The following TMC1 variants were observed in gnomAD, a reference collection of about 807,000 sequenced individuals.
The protein encoded by TMC1 is transmembrane channel-like protein 1.
A neutral mutation model predicts 105.8 loss-of-function variants in TMC1; 84 were observed. The observed-to-expected ratio is 0.79, with a 90% CI of 0.67 to 0.95. The LOEUF (loss-of-function observed/expected upper bound fraction) is 0.95. TMC1 is among the 40% of genes least tolerant of loss of function. The pLI, the probability that TMC1 is intolerant of heterozygous loss-of-function variation, is 0.00. For missense variants in TMC1, 817 were observed against 914.1 expected, an observed-to-expected ratio of 0.89 and a Z score of 1.37; for synonymous variants, 315 against 311.5, an observed-to-expected ratio of 1.01 and a Z score of -0.12.
intron 5 of TMC1, among the ~76,000 whole-genome samples, chr9:72,650,883 G>GATATATATATAAAT (rs1288685250): frequency 0.28 from 27,361 of 97,982 alleles, 3,828 homozygotes; most frequent in East Asian, 0.39. Flanking sequence ...TATATATATA[G>GATATATATATAAAT]ATATATAGAT....
At chr9:72,707,224 G>C (rs1393974423) in intron 8 of TMC1, among the ~76,000 whole-genome samples, 2 of 152,212 alleles carry the variant, frequency 1.3e-5, no homozygotes, top group Non-Finnish European at 2.9e-5. Flanking sequence ...AAACATGCAT[G>C]TGTAAGTATC....
chr9:72,615,601 A>G (rs1785709992), intron 2 of TMC1, among the ~76,000 whole-genome samples: 2 of 152,158 alleles, frequency 1.3e-5, no homozygotes, highest in African/African-American at 4.8e-5. Flanking sequence ...TTTCGACTTC[A>G]ATGTGGTGAT....
intron 8 of TMC1, among the ~76,000 whole-genome samples, chr9:72,708,170 T>C (rs1354617847): frequency 1.3e-5 from 2 of 152,238 alleles, no homozygotes; most frequent in African/African-American, 4.8e-5. Flanking sequence ...ACCATAGCCT[T>C]ATAGTATAGT....
At chr9:72,577,671 A>G (rs1351076312) in intron 1 of TMC1, 1 of 151,984 alleles carries the variant, frequency 6.6e-6, no homozygotes, top group African/African-American at 2.4e-5. Context: ...CACCAGGAAC[A>G]ATGACTCAGT....
intron 5 of TMC1, among the ~76,000 whole-genome samples, chr9:72,660,662 C>T (rs977255976): frequency 5.3e-5 from 8 of 152,058 alleles, no homozygotes; most frequent in Non-Finnish European, 7.4e-5. Flanking sequence ...ATCTTTATGG[C>T]AATATGAATA....
chr9:72,752,112 G>A (rs1321582944), intron 11 of TMC1, among the ~76,000 whole-genome samples, 156 bp downstream of exon 11: 2 of 152,192 alleles, frequency 1.3e-5, no homozygotes, highest in East Asian at 3.9e-4. Flanking sequence ...GGTGCCCATG[G>A]GCCAAAGCTC....
chr9:72,533,532 A>G (rs1336506890), intron 1 of TMC1, among the ~76,000 whole-genome samples: 2 of 152,188 alleles, frequency 1.3e-5, no homozygotes, highest in Non-Finnish European at 2.9e-5. Context: ...CAATAAATCT[A>G]AAGGAGATGC....
intron 4 of TMC1, among the ~76,000 whole-genome samples, chr9:72,637,544 A>T (rs1466065800): frequency 6.6e-6 from 1 of 151,878 alleles, no homozygotes; most frequent in African/African-American, 2.4e-5. Flanking sequence ...TAATCATTCA[A>T]CTCTTTTAGT....
At chr9:72,578,304 G>GTGTGTA (rs1030116344) in intron 2 of TMC1, 79 of 137,886 alleles carry the variant, frequency 5.7e-4, no homozygotes, top group African/African-American at 2.0e-3. Context: ...GTGTGTGTGT[G>GTGTGTA]TATTTTCTGA....
At chr9:72,606,465 A>C (rs1052294977) in intron 2 of TMC1, among the ~76,000 whole-genome samples, 1 of 152,184 alleles carries the variant, frequency 6.6e-6, no homozygotes, top group Non-Finnish European at 1.5e-5. Context: ...TACAGGGGGA[A>C]CTGGGGTCAT....
chr9:72,799,016 A>G (rs1828423647), intron 17 of TMC1, among the ~76,000 whole-genome samples: 1 of 152,104 alleles, frequency 6.6e-6, no homozygotes, highest in Non-Finnish European at 1.5e-5. Context: ...AGAGAAAAGA[A>G]ATAATGTTTC....
rs117330708 is a variant in TMC1, at chr9:72,671,284, T to G, written c.17-17425T>G. 9.6e-3 allele frequency among the ~76,000 whole-genome samples: 1,463 copies of G among 152,340 alleles called. 10 individuals are homozygous for G. Among genetic ancestry groups the G allele is most frequent in the Non-Finnish European group, 0.015 (1,036 of 68,026 alleles). On this transcript the variant is annotated intron_variant, in intron 5 of 23. Transcript: ENST00000297784. The stretch of plus-strand genomic sequence containing the variant: ...TTTTGTCGTGAGAGACAAGGATGTT[T>G]CTTTTCTCTGGGTATAGGGAGGGCA...
intron 12 of TMC1, among the ~76,000 whole-genome samples, chr9:72,769,749 T>G (rs990834560): frequency 7.9e-5 from 12 of 152,200 alleles, no homozygotes; most frequent in African/African-American, 2.9e-4. Flanking sequence ...TGATGTTACT[T>G]GTCACAGCAA....
rs547962798 is a variant in TMC1 at position 72,723,641 on chromosome 9, T to TA, written c.363-16478_363-16477insA. On this transcript the variant is annotated intron_variant, in intron 8 of 23. Coordinates refer to ENST00000297784, the MANE Select transcript of TMC1 (RefSeq NM_138691.3). ...TCAAATAATATTTTGAAATTTTCCC[T>TA]GAAAGGATATTGAGAAAAGCCAAAT... Among the ~76,000 whole-genome samples, 189 of 152,348 alleles carry TA rather than the reference T, an allele frequency of 1.2e-3. 1 individual carries two copies. The highest frequency in any genetic ancestry group is 4.4e-3 in the African/African-American group (181 of 41,588).
intron 10 of TMC1, among the ~76,000 whole-genome samples, chr9:72,743,337 A>G (rs1386989823): frequency 1.3e-5 from 2 of 149,952 alleles, no homozygotes; most frequent in Non-Finnish European, 3.0e-5. Flanking sequence ...ACTGCACTCC[A>G]GCCTGGGCGA....
chr9:72,785,858 G>A (rs1242258390), intron 13 of TMC1, among the ~76,000 whole-genome samples: 1 of 152,210 alleles, frequency 6.6e-6, no homozygotes, highest in Non-Finnish European at 1.5e-5. Context: ...CCATGGAAAA[G>A]AGAGAACTAG....
intron 5 of TMC1, among the ~76,000 whole-genome samples, chr9:72,670,746 T>A (rs1358017239): frequency 6.6e-6 from 1 of 152,156 alleles, no homozygotes; most frequent in Admixed American, 6.5e-5. Flanking sequence ...AATTACAATA[T>A]CTGAGATGAA....
chr9:72,774,239 TTG>T (rs1446462843), intron 13 of TMC1, among the ~76,000 whole-genome samples: 2 of 152,312 alleles, frequency 1.3e-5, no homozygotes, highest in East Asian at 3.9e-4. Flanking sequence ...TAGAGCAGCA[TTG>T]TGCCAGGCAA....
chr9:72,578,652 C>T (rs1824428064), intron 2 of TMC1, among the ~76,000 whole-genome samples: 1 of 152,124 alleles, frequency 6.6e-6, no homozygotes, highest in South Asian at 2.1e-4. Flanking sequence ...AGGGAGGTTA[C>T]AAAAGCATTT....
Sources: allele counts gnomAD v4.1 joint callset (sites outside exome capture counted in the v4.1 genomes callset), GRCh38; gene constraint gnomAD v4.1.1; transcripts MANE v1.5; gene names NCBI Gene and HGNC (gene_info 2026-07-23, HGNC 2026-07-21).